Variants in OGDH observed in about 807,000 individuals in gnomAD.
OGDH encodes 2-oxoglutarate dehydrogenase complex component E1.
Under a neutral mutation model 116.6 loss-of-function variants are expected in OGDH, and 38 were observed. The observed-to-expected ratio is 0.33, with a 90% CI of 0.25 to 0.43. OGDH has a LOEUF of 0.43. Among genes scored for constraint, OGDH ranks in the 20% least tolerant of loss-of-function variants. The pLI, the probability that OGDH is intolerant of heterozygous loss-of-function variation, is 1.00. For missense variants in OGDH, 825 were observed against 1,357.2 expected, an observed-to-expected ratio of 0.61 and a Z score of 6.16; for synonymous variants, 488 against 533.3, an observed-to-expected ratio of 0.92 and a Z score of 1.17.
In OGDH at chr7:44,709,028, A is replaced by G. The variant is rs1480692700; in HGVS notation, c.*1029A>G. 1 of 150,886 alleles carries G rather than the reference A, an allele frequency of 6.6e-6. No individual in the cohort carries two copies. The highest frequency in any genetic ancestry group is 2.1e-4 in the South Asian group (1 of 4,788). The allele number at this position is 150,886 out of a possible 1,614,324, so 9.3% of individuals were successfully genotyped here. On this transcript the variant is annotated 3_prime_UTR_variant, in exon 23 of 23. Coordinates refer to ENST00000222673, the MANE Select transcript of OGDH (RefSeq NM_002541.4). ...AAAAAAGGAACAGAAACAACTTTGC[A>G]TTGCATTGGCTTGACCCATAAACTA...
Position 44,694,217 on chromosome 7 carries a change from G to C in OGDH, c.1516-207G>C, listed in dbSNP as rs1436917049. On this transcript the variant is annotated intron_variant, in intron 11 of 22. Transcript: ENST00000222673. This position sits in a 1 kb window ranked among gnomAD's most constrained non-coding sequence, Gnocchi z 4.2. ...TCCCAGGCAGGAGCTGTGGTGGTGA[G>C]GAGGGCCACTCCTCATTGACAGAGC... is the stretch of plus-strand genomic sequence containing the variant. Among the ~76,000 whole-genome samples the C allele has an allele frequency of 2.0e-5, 3 of 152,142 alleles. No individual in the cohort carries two copies. The highest frequency in any genetic ancestry group is 4.4e-5 in the Non-Finnish European group (3 of 68,016).
intron 17 of OGDH, 49 bp from the exon 18 acceptor site, chr7:44,698,143 T>C (rs757263607): frequency 8.1e-6 from 13 of 1,599,888 alleles, no homozygotes; most frequent in Non-Finnish European, 1.1e-5. Flanking sequence ...ATGCGGCAAA[T>C]GTCAGTACGC....
chr7:44,658,080 A>C (rs1233354069), intron 4 of OGDH, among the ~76,000 whole-genome samples: 4 of 152,238 alleles, frequency 2.6e-5, no homozygotes, highest in Non-Finnish European at 5.9e-5. Flanking sequence ...TGTTTTAACT[A>C]TTCAAGGGCC....
At chr7:44,680,559 C>T (rs1264464921) in intron 9 of OGDH, among the ~76,000 whole-genome samples, 2 of 151,832 alleles carry the variant, frequency 1.3e-5, no homozygotes, top group Non-Finnish European at 2.9e-5. Flanking sequence ...CACACACACA[C>T]ACACACACAC....
intron 4 of OGDH, among the ~76,000 whole-genome samples, chr7:44,649,061 A>G (rs1173400263): frequency 7.9e-5 from 12 of 151,826 alleles, no homozygotes; most frequent in Admixed American, 5.9e-4. Flanking sequence ...TCCAGCCCCC[A>G]GAGACTTCTA....
At chr7:44,669,570 G>GC (rs1348194066) in intron 5 of OGDH, among the ~76,000 whole-genome samples, 1 of 152,126 alleles carries the variant, frequency 6.6e-6, no homozygotes, top group Non-Finnish European at 1.5e-5. Context: ...TTCCCAGAGA[G>GC]CATAGGCATT....
chr7:44,629,315 AT>A (rs1785330866), intron 2 of OGDH, among the ~76,000 whole-genome samples: 1 of 152,154 alleles, frequency 6.6e-6, no homozygotes, highest in Non-Finnish European at 1.5e-5. Context: ...AAGAGCCAGG[AT>A]TAGGTCCTGA....
intron 20 of OGDH, among the ~76,000 whole-genome samples, chr7:44,704,700 T>G (rs889598462): frequency 6.6e-6 from 1 of 151,626 alleles, no homozygotes; most frequent in Non-Finnish European, 1.5e-5. Context: ...GGTTTGGGTG[T>G]TTTTTTTGTT....
At chr7:44,625,739 CA>C (rs1352891188) in intron 2 of OGDH, among the ~76,000 whole-genome samples, 1 of 152,186 alleles carries the variant, frequency 6.6e-6, no homozygotes, top group African/African-American at 2.4e-5. Context: ...GGCTTATCAC[CA>C]AAAGGAAGTC....
intron 4 of OGDH, 77 bp downstream of exon 4, chr7:44,647,836 C>A: frequency 9.1e-7 from 1 of 1,097,292 alleles, no homozygotes; most frequent in Non-Finnish European, 1.4e-6. Flanking sequence ...CCAGGATGTC[C>A]AGGCAGGAGG....
chr7:44,680,065 A>G (rs553624561), intron 9 of OGDH, among the ~76,000 whole-genome samples: 2 of 152,288 alleles, frequency 1.3e-5, no homozygotes, highest in South Asian at 4.1e-4. Context: ...TGCCAAAATT[A>G]GCCAGGCATG....
At position 44,703,732 on chromosome 7, in the gene OGDH, T is replaced by C. The variant is rs577598487; in HGVS notation, c.2632+2117T>C. ...CTCCGTCTCAAAAAAAATAAATAAA[T>C]AAACTAGCCGGGGGTGGTGGCGCAT... On this transcript the variant is annotated intron_variant, in intron 20 of 22. Transcript: ENST00000222673. Among the ~76,000 whole-genome samples, 27 of 147,092 alleles carry C rather than the reference T, an allele frequency of 1.8e-4. No individual in the cohort carries two copies. In the South Asian group the frequency reaches 5.6e-3, roughly 30 times the overall value.
At chr7:44,626,184 C>T (rs903035913) in intron 2 of OGDH, among the ~76,000 whole-genome samples, 21 of 152,124 alleles carry the variant, frequency 1.4e-4, no homozygotes, top group African/African-American at 4.6e-4. Context: ...TTTCCCTAGT[C>T]TGTAAACAAA....
intron 1 of OGDH, among the ~76,000 whole-genome samples, chr7:44,617,590 T>A (rs1329049094): frequency 6.6e-6 from 1 of 152,212 alleles, no homozygotes; most frequent in East Asian, 1.9e-4. Context: ...TAAGGGAGAA[T>A]TGATATCTGT....
At chr7:44,667,016 G>C (rs889408382) in intron 5 of OGDH, among the ~76,000 whole-genome samples, 165 bp downstream of exon 5, 2 of 152,070 alleles carry the variant, frequency 1.3e-5, no homozygotes, top group South Asian at 2.1e-4. Context: ...GACACAGTTT[G>C]GCTCACTGCA....
At chr7:44,619,618 G>A (rs960762877) in intron 1 of OGDH, among the ~76,000 whole-genome samples, 1 of 152,152 alleles carries the variant, frequency 6.6e-6, no homozygotes, top group East Asian at 1.9e-4. Flanking sequence ...GATATAACAC[G>A]TTTTGCTTAT....
chr7:44,612,886 TTTTC>T (rs552185312), intron 1 of OGDH, among the ~76,000 whole-genome samples: 300 of 150,702 alleles, frequency 2.0e-3, no homozygotes, highest in African/African-American at 7.1e-3. Flanking sequence ...TTTTCTTTTC[TTTTC>T]TTTTTTTTGA....
chr7:44,622,704 G>C (rs1585230824), intron 1 of OGDH: 1 of 152,142 alleles, frequency 6.6e-6, no homozygotes, highest in South Asian at 2.1e-4. Context: ...CTTCGGGTAG[G>C]TGTGGACATG....
At chr7:44,674,355 CT>C (rs1787598522) in intron 6 of OGDH, 55 bp from the exon 7 acceptor site, 1 of 1,609,682 alleles carries the variant, frequency 6.2e-7, no homozygotes, top group Non-Finnish European at 8.5e-7. Context: ...AGAATCCCCT[CT>C]TTTTGGTCAG....
Sources: allele counts gnomAD v4.1 joint callset (sites outside exome capture counted in the v4.1 genomes callset), GRCh38; gene constraint gnomAD v4.1.1; non-coding constraint Gnocchi (gnomAD v3.1); transcripts MANE v1.5; gene names NCBI Gene and HGNC (gene_info 2026-07-23, HGNC 2026-07-21).